NEMF: variants seen among roughly 807,000 people sequenced by gnomAD.
NEMF encodes the protein nuclear export mediator factor, also known as ribosome quality control complex subunit NEMF.
Under a neutral mutation model 162.2 loss-of-function variants are expected in NEMF, and 89 were observed. That is an observed-to-expected ratio of 0.55 (90% CI 0.46 to 0.65). The LOEUF is 0.65. Among genes scored for constraint, NEMF ranks in the 30% least tolerant of loss-of-function variants. The pLI is 0.00. For synonymous variants in NEMF, 421 were observed against 404.5 expected (o/e 1.04, Z -0.49); for missense variants, 1,133 against 1,261.9 (o/e 0.90, Z 1.55).
rs1003276858 is a variant in NEMF, at chr14:49,829,217, T to C, written c.1069A>G (p.Ile357Val). 1 of 1,614,196 alleles carries C rather than the reference T, an allele frequency of 6.2e-7. No individual in the cohort carries two copies. Among genetic ancestry groups the C allele is most frequent in the Non-Finnish European group, 8.5e-7 (1 of 1,180,026 alleles). ...ACTACCTGAATGGCTCTGTCAACTA[T>C]TTGTAGGTTCATTTCTATGAGCTCT... The part of the protein sequence containing the change: ...KGELIEMNLQ[I>V]VDRAIQVVRS... Residue 357 changes from isoleucine (I) to valine (V), a missense_variant, in exon 13 of 33, where the codon ATA becomes GTA. Transcript: ENST00000298310.
intron 29 of NEMF, chr14:49,785,553 C>T (rs938107459): frequency 1.2e-5 from 5 of 425,770 alleles, no homozygotes; most frequent in South Asian, 9.7e-5. Flanking sequence ...GTAATGAGAA[C>T]AATAATTTTC....
At chr14:49,792,440 G>C (rs1042420518) in intron 26 of NEMF, among the ~76,000 whole-genome samples, 1 of 152,132 alleles carries the variant, frequency 6.6e-6, no homozygotes, top group Non-Finnish European at 1.5e-5. Context: ...TTGAACTCCT[G>C]ACCTCAGGTG....
chr14:49,831,656 T>C (rs1372074947), intron 10 of NEMF, among the ~76,000 whole-genome samples: 2 of 152,138 alleles, frequency 1.3e-5, no homozygotes. Flanking sequence ...AGACTGGTCT[T>C]GAACTCCTGA....
chr14:49,849,417 T>C (rs1052951589), intron 3 of NEMF, among the ~76,000 whole-genome samples: 1 of 151,778 alleles, frequency 6.6e-6, no homozygotes, highest in Non-Finnish European at 1.5e-5. Context: ...GCCACAAAGC[T>C]ATAGCTGTCA....
intron 22 of NEMF, chr14:49,801,535 T>G (rs961008430): frequency 6.6e-6 from 1 of 151,594 alleles, no homozygotes; most frequent in Non-Finnish European, 1.5e-5. Context: ...CTTTATACAG[T>G]CCCAGGGAAA....
intron 24 of NEMF, 42 bp from the exon 25 acceptor site, chr14:49,799,566 A>C: frequency 6.3e-7 from 1 of 1,597,878 alleles, no homozygotes; most frequent in East Asian, 2.2e-5. Context: ...TATCACTATT[A>C]ACTTTTTTGA....
In NEMF at chr14:49,831,434, T is replaced by TC. The variant is rs1892631407; in HGVS notation, c.883-74_883-73insG. 1.3e-5 allele frequency: 11 copies of TC among 853,378 alleles called. No individual in the cohort carries two copies. In the African/African-American group the frequency reaches 2.2e-4, roughly 17 times the overall value. 52.9% of individuals were successfully genotyped at this position (853,378 alleles called of 1,614,324 possible). ...ACTTCAACTTGCATACACAGAATTTTATTTTTTTTTTCTTTTTTTTTGAGA... is the reference window on the plus strand; with the variant it reads ...ACTTCAACTTGCATACACAGAATTTTCATTTTTTTTTTCTTTTTTTTTGAGA... On this transcript the variant is annotated intron_variant, in intron 10 of 32. Coordinates refer to ENST00000298310, the MANE Select transcript of NEMF (RefSeq NM_004713.6).
intron 28 of NEMF, among the ~76,000 whole-genome samples, chr14:49,787,642 G>A (rs1436710488): frequency 6.6e-6 from 1 of 152,140 alleles, no homozygotes; most frequent in Non-Finnish European, 1.5e-5. Context: ...CCATCACACT[G>A]GGTATTTAGG....
chr14:49,804,918 T>C (rs1211772347), intron 19 of NEMF, among the ~76,000 whole-genome samples: 1 of 151,480 alleles, frequency 6.6e-6, no homozygotes, highest in African/African-American at 2.4e-5. Context: ...TAGTCCCAGC[T>C]ACTCAGGAGG....
At chr14:49,787,504 A>C (rs1890232532) in intron 28 of NEMF, among the ~76,000 whole-genome samples, 1 of 152,194 alleles carries the variant, frequency 6.6e-6, no homozygotes, top group South Asian at 2.1e-4. Flanking sequence ...TGGGCAACAC[A>C]GGGAGACCTC....
chr14:49,790,482 T>C (rs1890387758), intron 26 of NEMF, among the ~76,000 whole-genome samples: 3 of 152,132 alleles, frequency 2.0e-5, no homozygotes, highest in Admixed American at 6.5e-5. Context: ...TATCAGCATA[T>C]ACACACTTAA....
At chr14:49,831,523 C>T (rs1892638537) in intron 10 of NEMF, among the ~76,000 whole-genome samples, 162 bp from the exon 11 acceptor site, 1 of 151,916 alleles carries the variant, frequency 6.6e-6, no homozygotes. Context: ...CTGCAACTTC[C>T]ACCTCCGAGG....
At chr14:49,793,264 C>T (rs959407156) in intron 26 of NEMF, among the ~76,000 whole-genome samples, 2 of 152,054 alleles carry the variant, frequency 1.3e-5, no homozygotes, top group South Asian at 2.1e-4. Context: ...AATTTGCAGA[C>T]GATATGACTG....
At chr14:49,819,465 AG>A (rs1013753478) in intron 16 of NEMF, among the ~76,000 whole-genome samples, 1 of 151,256 alleles carries the variant, frequency 6.6e-6, no homozygotes. Flanking sequence ...CCCAGGCTGG[AG>A]TGCAGTGGCA....
intron 29 of NEMF, chr14:49,785,889 CAAAAAAAAAAA>C: frequency 1.6e-5 from 2 of 124,122 alleles, no homozygotes; most frequent in South Asian, 5.3e-4. Flanking sequence ...GACCCTGTCT[CAAAAAAAAAAA>C]AAAAAGGAAA....
intron 25 of NEMF, among the ~76,000 whole-genome samples, chr14:49,797,833 TTG>T (rs1375180720): frequency 6.6e-6 from 1 of 152,194 alleles, no homozygotes; most frequent in Admixed American, 6.5e-5. Flanking sequence ...TTCAACATCA[TTG>T]TGTTATAACT....
intron 5 of NEMF, 123 bp from the exon 6 acceptor site, chr14:49,838,329 G>T: frequency 1.4e-6 from 1 of 724,176 alleles, no homozygotes; most frequent in Non-Finnish European, 2.3e-6. Context: ...AAACGTAACA[G>T]GAATTCATTC....
intron 1 of NEMF, 32 bp from the exon 2 acceptor site, chr14:49,851,907 A>T: frequency 4.7e-6 from 6 of 1,285,594 alleles, no homozygotes; most frequent in South Asian, 1.3e-5. Flanking sequence ...GTAACATGTT[A>T]CACTATTGTC....
In NEMF at chr14:49,803,280, T is replaced by G; in HGVS notation, c.1872A>C (p.Ala624=). ...CTGTTGTCAAATATTCTCCAGTTGG[T>G]GCTGTTTTAGATACCTGAAGAACAC... ...WVYHHQVSKT[A]PTGEYLTTGS... The change falls in exon 20 of 33, where the codon GCA becomes GCC. Residue 624 remains alanine (A), a synonymous_variant. Transcript: ENST00000298310. 1.9e-6 allele frequency: 3 copies of G among 1,609,416 alleles called. No individual in the cohort carries two copies. Among genetic ancestry groups the G allele is most frequent in the Non-Finnish European group, 2.6e-6 (3 of 1,176,000 alleles).
Sources: allele counts gnomAD v4.1 joint callset (sites outside exome capture counted in the v4.1 genomes callset), GRCh38; gene constraint gnomAD v4.1.1; transcripts MANE v1.5; gene names NCBI Gene and HGNC (gene_info 2026-07-23, HGNC 2026-07-21).